Variants in LOC400499 observed in about 807,000 individuals in gnomAD.
At chr16:11,508,325 C>A in the LOC400499 span, among the ~76,000 whole-genome samples, 1 of 152,354 alleles carries the variant, frequency 6.6e-6, no homozygotes, top group African/African-American at 2.4e-5. Context: ...TGACTTGAAA[C>A]AGCCAGGAGT....
chr16:11,443,315 C>T, the LOC400499 span: 1 of 361,398 alleles, frequency 2.8e-6, no homozygotes, highest in Non-Finnish European at 5.1e-6. Context: ...CAGAGCAAGA[C>T]TCGATCCTCA....
the LOC400499 span, among the ~76,000 whole-genome samples, chr16:11,512,722 C>G: frequency 6.6e-6 from 1 of 152,246 alleles, no homozygotes; most frequent in African/African-American, 2.4e-5. Flanking sequence ...TGTGAATTCT[C>G]TCTTAATAAA....
chr16:11,408,979 G>A, the LOC400499 span, among the ~76,000 whole-genome samples: 1 of 151,774 alleles, frequency 6.6e-6, no homozygotes, highest in Non-Finnish European at 1.5e-5. Context: ...AATGTTGGGG[G>A]GCCAGATGCA....
the LOC400499 span, chr16:11,484,931 C>A: frequency 2.5e-6 from 1 of 399,508 alleles, no homozygotes; most frequent in Non-Finnish European, 4.4e-6. Flanking sequence ...ACACTCGGGG[C>A]TGGCTGGCTG....
At chr16:11,409,483 G>C in the LOC400499 span, among the ~76,000 whole-genome samples, 4 of 152,158 alleles carry the variant, frequency 2.6e-5, no homozygotes, top group African/African-American at 9.7e-5. Context: ...AGTTGTAACA[G>C]GGACCATAAG....
the LOC400499 span, among the ~76,000 whole-genome samples, chr16:11,414,716 G>T: frequency 0.35 from 52,942 of 152,134 alleles, 10,112 homozygotes; most frequent in Non-Finnish European, 0.44. Flanking sequence ...TGTCCCTGAG[G>T]ATCCAGGCCT....
At chr16:11,397,461 G>A in the LOC400499 span, among the ~76,000 whole-genome samples, 1 of 152,110 alleles carries the variant, frequency 6.6e-6, no homozygotes, top group African/African-American at 2.4e-5. Context: ...TTTTAGTAGA[G>A]AAGAGGTTTC....
At chr16:11,424,485 G>A in the LOC400499 span, 1 of 398,008 alleles carries the variant, frequency 2.5e-6, no homozygotes, top group Non-Finnish European at 4.4e-6. Flanking sequence ...GAGCCCCATA[G>A]CTCCAGGTCC....
chr16:11,485,140 G>C, the LOC400499 span: 2 of 398,506 alleles, frequency 5.0e-6, no homozygotes, highest in African/African-American at 2.1e-5. Flanking sequence ...GAGCTGTTAG[G>C]CTGGGGATAT....
the LOC400499 span, among the ~76,000 whole-genome samples, chr16:11,509,149 C>A: frequency 1.5e-5 from 2 of 136,836 alleles, no homozygotes; most frequent in African/African-American, 5.4e-5. Flanking sequence ...GACGGAGTCG[C>A]ACTCTGTGCC....
chr16:11,381,088 CTGGCCATT>C, the LOC400499 span: 1 of 152,158 alleles, frequency 6.6e-6, no homozygotes, highest in Non-Finnish European at 1.5e-5. Flanking sequence ...AAATCACAGC[CTGGCCATT>C]TGGATGTTCA....
At chr16:11,473,141 A>T in the LOC400499 span, 2 of 147,818 alleles carry the variant, frequency 1.4e-5, no homozygotes, top group Non-Finnish European at 3.0e-5. Context: ...ATAAATAAAT[A>T]AAATAAAAAT....
At chr16:11,429,838 A>G in the LOC400499 span, among the ~76,000 whole-genome samples, 5 of 152,318 alleles carry the variant, frequency 3.3e-5, no homozygotes, top group East Asian at 9.6e-4. Flanking sequence ...TCATCATAAC[A>G]GTAACAGACT....
chr16:11,393,441 G>T, the LOC400499 span: 2 of 1,232,330 alleles, frequency 1.6e-6, no homozygotes, highest in Non-Finnish European at 2.0e-6. Context: ...CCGGAACACA[G>T]ACAGCCTCAC....
chr16:11,464,304 G>A, the LOC400499 span, among the ~76,000 whole-genome samples: 1 of 152,170 alleles, frequency 6.6e-6, no homozygotes, highest in African/African-American at 2.4e-5. Context: ...AGGCACATTC[G>A]AGCGATGGCT....
the LOC400499 span, among the ~76,000 whole-genome samples, chr16:11,395,219 C>G: frequency 7.2e-5 from 11 of 152,338 alleles, no homozygotes; most frequent in African/African-American, 1.9e-4. Context: ...GGGTGAATGC[C>G]TGACCTCCCT....
the LOC400499 span, chr16:11,461,969 G>C: frequency 2.8e-6 from 2 of 705,152 alleles, no homozygotes; most frequent in Non-Finnish European, 4.2e-6. Flanking sequence ...GGAGGTTCTG[G>C]GGGCTCACAT....
chr16:11,415,451 C>A, the LOC400499 span, among the ~76,000 whole-genome samples: 1 of 152,366 alleles, frequency 6.6e-6, no homozygotes, highest in African/African-American at 2.4e-5. Context: ...ATGAGGTGGG[C>A]ACAGCCCGCC....
At chr16:11,509,136 TGAGAC>T in the LOC400499 span, among the ~76,000 whole-genome samples, 1 of 150,262 alleles carries the variant, frequency 6.7e-6, no homozygotes. Context: ...TTTTTTTTTT[TGAGAC>T]GGAGTCGCAC....
Sources: gnomAD v4.1 joint callset for allele counts (sites outside exome capture counted in the v4.1 genomes callset) on GRCh38, gnomAD v4.1.1 for gene constraint, MANE v1.5 for transcripts.